Variants in HMBOX1 observed in about 807,000 individuals in gnomAD.
The protein encoded by HMBOX1 is homeobox containing 1.
A neutral mutation model predicts 54.5 loss-of-function variants in HMBOX1; 14 were observed. The ratio of observed to expected loss-of-function variants is 0.26; its 90% CI spans 0.17 to 0.40. The LOEUF (loss-of-function observed/expected upper bound fraction) is 0.40. Ranked by LOEUF, HMBOX1 falls within the 10% of genes least tolerant of loss-of-function variation. The pLI, the probability that HMBOX1 is intolerant of heterozygous loss-of-function variation, is 1.00. For synonymous variants in HMBOX1, 160 were observed against 181.0 expected (o/e 0.88, Z 0.93); for missense variants, 332 against 514.4 (o/e 0.65, Z 3.43).
At chr8:28,997,743 G>T (rs1832081561) in intron 4 of HMBOX1, among the ~76,000 whole-genome samples, 1 of 152,060 alleles carries the variant, frequency 6.6e-6, no homozygotes. Context: ...CAGAGATGGT[G>T]TCTTCCTATG....
chr8:28,914,032 G>A (rs1369048664), intron 1 of HMBOX1, among the ~76,000 whole-genome samples: 1 of 151,860 alleles, frequency 6.6e-6, no homozygotes, highest in Non-Finnish European at 1.5e-5. Flanking sequence ...CACCACATCC[G>A]GCTAATTTCT....
intron 1 of HMBOX1, among the ~76,000 whole-genome samples, chr8:28,960,776 T>TGG (rs1563472967): frequency 1.9e-5 from 1 of 51,284 alleles, no homozygotes; most frequent in Non-Finnish European, 3.9e-5. Context: ...TTTTTTTTTT[T>TGG]TTTTTTTTTT....
chr8:28,937,594 A>G (rs1585927514), intron 1 of HMBOX1, among the ~76,000 whole-genome samples: 2 of 152,200 alleles, frequency 1.3e-5, no homozygotes, highest in South Asian at 2.1e-4. Context: ...CCTTGAGACT[A>G]GAGATCTCAT....
At chr8:28,896,947 T>C (rs1047626479) in intron 1 of HMBOX1, among the ~76,000 whole-genome samples, 1 of 152,146 alleles carries the variant, frequency 6.6e-6, no homozygotes, top group Non-Finnish European at 1.5e-5. Flanking sequence ...CCAATTTTTT[T>C]TTTTGTTATG....
At chr8:28,918,003 C>T (rs1816867680) in intron 1 of HMBOX1, among the ~76,000 whole-genome samples, 1 of 152,022 alleles carries the variant, frequency 6.6e-6, no homozygotes, top group Non-Finnish European at 1.5e-5. Context: ...AATATGCTGG[C>T]CTTATAAAAT....
intron 1 of HMBOX1, among the ~76,000 whole-genome samples, chr8:28,920,692 C>CATAATAG (rs1817400942): frequency 1.3e-5 from 2 of 152,072 alleles, no homozygotes; most frequent in Non-Finnish European, 2.9e-5. Flanking sequence ...TGATTGTTGC[C>CATAATAG]ATAATAGAAA....
chr8:28,916,700 A>G (rs183406657), intron 1 of HMBOX1, among the ~76,000 whole-genome samples: 10 of 152,156 alleles, frequency 6.6e-5, no homozygotes, highest in East Asian at 1.9e-4. Context: ...CGAACACACT[A>G]TCTTCATTAC....
chr8:29,017,849 A>G (rs1328024104), intron 5 of HMBOX1, among the ~76,000 whole-genome samples: 1 of 152,222 alleles, frequency 6.6e-6, no homozygotes, highest in African/African-American at 2.4e-5. Flanking sequence ...TATTAATTCT[A>G]TTAGGAAGAA....
chr8:29,040,875 CT>C (rs761245814), intron 6 of HMBOX1, among the ~76,000 whole-genome samples: 3 of 151,586 alleles, frequency 2.0e-5, no homozygotes, highest in Non-Finnish European at 2.9e-5. Flanking sequence ...AATTTTAAAC[CT>C]TTTTAACTCA....
intron 1 of HMBOX1, among the ~76,000 whole-genome samples, chr8:28,952,976 C>T (rs1823764700): frequency 6.6e-6 from 1 of 152,302 alleles, no homozygotes; most frequent in East Asian, 1.9e-4. Context: ...TATAGCAGAA[C>T]TACAGTTCTG....
At chr8:28,934,002 A>G (rs1819952439) in intron 1 of HMBOX1, among the ~76,000 whole-genome samples, 1 of 152,244 alleles carries the variant, frequency 6.6e-6, no homozygotes, top group Non-Finnish European at 1.5e-5. Context: ...GCTAAGACAG[A>G]GACATTACAG....
At chr8:28,995,219 A>G (rs1049281413) in intron 4 of HMBOX1, among the ~76,000 whole-genome samples, 1 of 152,210 alleles carries the variant, frequency 6.6e-6, no homozygotes, top group South Asian at 2.1e-4. Flanking sequence ...CTCTGCAGAT[A>G]TACCTACAGA....
upstream of HMBOX1, chr8:28,890,366 G>GC (rs1379070635): frequency 6.0e-6 from 1 of 168,058 alleles, no homozygotes; most frequent in Non-Finnish European, 1.3e-5. Context: ...TCCCAGGGAC[G>GC]CCCGGCGGCA....
chr8:29,040,793 C>G (rs1804697270), intron 6 of HMBOX1, among the ~76,000 whole-genome samples: 2 of 152,162 alleles, frequency 1.3e-5, no homozygotes, highest in African/African-American at 4.8e-5. Flanking sequence ...CTTTTTTACT[C>G]TGGTCTTCTT....
chr8:28,939,790 G>A (rs1402883571), intron 1 of HMBOX1, among the ~76,000 whole-genome samples: 3 of 151,766 alleles, frequency 2.0e-5, no homozygotes, highest in East Asian at 2.0e-4. Context: ...GGTTACATGC[G>A]TCAGCCACCG....
At chr8:28,900,271 A>AATATAT (rs1554519263) in intron 1 of HMBOX1, among the ~76,000 whole-genome samples, 1,895 of 70,284 alleles carry the variant, frequency 0.027, 57 homozygotes, top group East Asian at 0.051. Context: ...AAAAAAAAAA[A>AATATAT]ATATATATAT....
intron 3 of HMBOX1, among the ~76,000 whole-genome samples, chr8:28,972,685 A>G (rs1827629333): frequency 6.6e-6 from 1 of 152,212 alleles, no homozygotes; most frequent in Non-Finnish European, 1.5e-5. Context: ...TTAAATGTGT[A>G]TAAGACTAAC....
chr8:28,956,100 CTA>C (rs890886523), intron 1 of HMBOX1: 1 of 152,074 alleles, frequency 6.6e-6, no homozygotes, highest in Non-Finnish European at 1.5e-5. Flanking sequence ...ATATATATCA[CTA>C]TATTTCTTTC....
At chr8:28,921,702 A>G (rs952922226) in intron 1 of HMBOX1, among the ~76,000 whole-genome samples, 5 of 152,354 alleles carry the variant, frequency 3.3e-5, no homozygotes, top group Admixed American at 2.6e-4. Flanking sequence ...CATATACCAT[A>G]AAACATGCTT....
Sources: gnomAD v4.1 joint callset for allele counts (sites outside exome capture counted in the v4.1 genomes callset) on GRCh38, gnomAD v4.1.1 for gene constraint, MANE v1.5 for transcripts, NCBI Gene and HGNC (gene_info 2026-07-23, HGNC 2026-07-21) for gene names.